Variants in MIGA2 observed in about 807,000 individuals in gnomAD.
The protein encoded by MIGA2 is mitoguardin 2.
A neutral mutation model predicts 69.9 loss-of-function variants in MIGA2; 36 were observed. That is an observed-to-expected ratio of 0.52 (90% confidence interval 0.39 to 0.68). MIGA2 has a LOEUF of 0.68. Ranked by LOEUF, MIGA2 falls within the 30% of genes least tolerant of loss-of-function variation. The probability of loss-of-function intolerance (pLI) is 0.00; values close to 1 mark genes in which losing one functional copy is unlikely to be tolerated. For synonymous variants in MIGA2, 333 were observed against 349.2 expected (o/e 0.95, Z 0.52); for missense variants, 660 against 787.7 (o/e 0.84, Z 1.94).
In MIGA2 at chr9:129,059,193, T is replaced by C. The variant is rs749576676; in HGVS notation, c.715T>C (p.Ser239Pro). ...QRKEFAEKLE[S>P]LLHRAYHLQE... is the part of the protein sequence containing the mutation. ...GAAGGAGTTTGCAGAGAAGCTGGAG[T>C]CCCTGCTGCACCGTGCCTACCACCT... Residue 239 changes from serine (S) to proline (P), a missense_variant, in exon 7 of 16, where the codon TCC (serine) becomes CCC (proline). Around this residue, in one of 3 missense-constraint regions of MIGA2, gnomAD observed 386 missense variants for 402.0 expected, o/e 0.96. Transcript: ENST00000684074. This position sits in a 1 kb window ranked among gnomAD's most constrained non-coding sequence, Gnocchi z 5.6. 6.2e-7 allele frequency: 1 copy of C among 1,612,444 alleles called. No individual in the cohort carries two copies.
At chr9:129,053,693 A>T (rs560104931) in intron 6 of MIGA2, among the ~76,000 whole-genome samples, 167 of 152,264 alleles carry the variant, frequency 1.1e-3, no homozygotes, top group African/African-American at 3.9e-3. Flanking sequence ...AAACAGTTTT[A>T]TTGAAATATA....
In MIGA2 at chr9:129,060,665, G is replaced by A; in HGVS notation, c.894+15G>A. On this transcript the variant is annotated intron_variant, in intron 8 of 15. Coordinates refer to ENST00000684074, the MANE Select transcript of MIGA2 (RefSeq NM_001329990.2). The surrounding 1 kb of genome is among the most constrained non-coding windows in gnomAD (Gnocchi z 4.8). Reference sequence around the variant, plus strand: ...CCGCCACCGAGGTGACTCGGGGTGGGGACCAAGCCTGGGGTGGGGTGAAGG... The same window carrying A: ...CCGCCACCGAGGTGACTCGGGGTGGAGACCAAGCCTGGGGTGGGGTGAAGG... The A allele has an allele frequency of 6.4e-7, 1 of 1,565,824 alleles. No homozygotes were observed. Among genetic ancestry groups the A allele is most frequent in the East Asian group, 2.4e-5 (1 of 42,382 alleles).
intron 2 of MIGA2, 44 bp from the exon 3 acceptor site, chr9:129,042,260 T>C: frequency 6.2e-7 from 1 of 1,600,026 alleles, no homozygotes; most frequent in Non-Finnish European, 8.5e-7. Context: ...GCCTTGGACC[T>C]TCCCCAGGGA....
rs1012320144 is a variant in MIGA2, at chr9:129,071,536, G to T, written c.*1083G>T. 6.6e-6 allele frequency: 1 copy of T among 152,210 alleles called. No individual in the cohort carries two copies. The highest frequency in any genetic ancestry group is 1.5e-5 in the Non-Finnish European group (1 of 68,076). 9.4% of individuals were successfully genotyped at this position (152,210 alleles called of 1,614,324 possible). A position where few individuals can be genotyped will look rare whatever the true frequency, so the allele number is the denominator to read the frequency against. On this transcript the variant is annotated 3_prime_UTR_variant, in exon 16 of 16. Coordinates refer to ENST00000684074, the MANE Select transcript of MIGA2 (RefSeq NM_001329990.2). ...TCTGCTGTGGCTCTGCCCTTTCCAGGTTGAGAGGCCTGCAGGAGAAACACA... is the reference window on the plus strand; with the variant it reads ...TCTGCTGTGGCTCTGCCCTTTCCAGTTTGAGAGGCCTGCAGGAGAAACACA...
At chr9:129,044,790 TGTGTTGGC>T (rs1845122174) in intron 3 of MIGA2, among the ~76,000 whole-genome samples, 1 of 149,282 alleles carries the variant, frequency 6.7e-6, no homozygotes, top group Admixed American at 6.7e-5. Context: ...CAGGCTGGTC[TGTGTTGGC>T]CAGGCTGGTC....
At chr9:129,040,826 T>G in intron 2 of MIGA2, 136 bp downstream of exon 2, 2 of 686,050 alleles carry the variant, frequency 2.9e-6, no homozygotes, top group East Asian at 2.9e-5. Context: ...TGGACTGGGT[T>G]TGTTGTCTGA....
intron 5 of MIGA2, 22 bp downstream of exon 5, chr9:129,049,520 G>T (rs1203295150): frequency 6.2e-7 from 1 of 1,606,930 alleles, no homozygotes; most frequent in Non-Finnish European, 8.5e-7. Flanking sequence ...AGGTGCCTCA[G>T]CTTCGAGGGC....
Position 129,040,695 on chromosome 9 carries a change from G to A in MIGA2, c.96+5G>A. ...CTGTACACGACGTTTGGGCAGGTAA[G>A]GATCAGGGTGGGTTGTACCTCTGGT... On this transcript the variant is annotated splice_donor_5th_base_variant and intron_variant, in intron 2 of 15. Transcript: ENST00000684074. 1 of 1,612,442 alleles carries A rather than the reference G, an allele frequency of 6.2e-7. No individual in the cohort carries two copies. The highest frequency in any genetic ancestry group is 1.3e-5 in the African/African-American group (1 of 75,042).
chr9:129,057,005 G>T (rs1845831805), intron 6 of MIGA2, among the ~76,000 whole-genome samples: 1 of 151,896 alleles, frequency 6.6e-6, no homozygotes, highest in African/African-American at 2.4e-5. Flanking sequence ...CTGCATTCCA[G>T]CCTGGGCAAC....
In MIGA2 at chr9:129,069,712, A is replaced by G. The variant is rs1261777237; in HGVS notation, c.1459-137A>G. On this transcript the variant is annotated intron_variant, in intron 14 of 15. Transcript: ENST00000684074. The surrounding 1 kb of genome is among the most constrained non-coding windows in gnomAD (Gnocchi z 4.9). ...AAAATGGGCTTCGAAAGCTTGAGTC[A>G]CTGCCCAGGGTCATCTAGCAGGAAA... The G allele has an allele frequency of 4.1e-6, 3 of 725,296 alleles. No individual in the cohort carries two copies. In the Admixed American group the frequency reaches 6.0e-5, roughly 15 times the overall value. 44.9% of individuals were successfully genotyped at this position (725,296 alleles called of 1,614,324 possible).
chr9:129,058,643 A>C (rs186999799), intron 6 of MIGA2, among the ~76,000 whole-genome samples: 18 of 151,552 alleles, frequency 1.2e-4, no homozygotes, highest in African/African-American at 4.4e-4. Flanking sequence ...GGGACTATAG[A>C]CACCCGCCAC....
In MIGA2 at chr9:129,040,583, A is replaced by G. The variant is rs1433811208; in HGVS notation, c.-12A>G. ...TGGCCCTGAGGACTTTGCCTGGGGC[A>G]TTGGCCCTGCCATGGCGTTCCGGAG... On this transcript the variant is annotated 5_prime_UTR_variant, in exon 2 of 16. Coordinates refer to ENST00000684074, the MANE Select transcript of MIGA2 (RefSeq NM_001329990.2). 6 of 1,608,356 alleles carry G rather than the reference A, an allele frequency of 3.7e-6. No individual in the cohort carries two copies. Among genetic ancestry groups the G allele is most frequent in the Non-Finnish European group, 5.1e-6 (6 of 1,175,980 alleles).
At position 129,040,464 on chromosome 9, in the gene MIGA2, G is replaced by A; in HGVS notation, c.-131G>A. 7.1e-7 allele frequency: 1 copy of A among 1,414,604 alleles called. No individual in the cohort carries two copies. Among genetic ancestry groups the A allele is most frequent in the Non-Finnish European group, 9.3e-7 (1 of 1,073,212 alleles). The allele number at this position is 1,414,604 out of a possible 1,614,324, so 87.6% of individuals were successfully genotyped here. A position where few individuals can be genotyped will look rare whatever the true frequency, so the allele number is the denominator to read the frequency against. ...ATCTGTCTCTTAGCTCTGTGGAGGG[G>A]CCCTCTGGTATGTGTGTCCCTGTCC... On this transcript the variant is annotated 5_prime_UTR_variant, in exon 2 of 16. Coordinates refer to ENST00000684074, the MANE Select transcript of MIGA2 (RefSeq NM_001329990.2).
Position 129,063,535 on chromosome 9 carries a change from C to T in MIGA2, c.1084-10C>T, listed in dbSNP as rs1374956082. On this transcript the variant is annotated splice_polypyrimidine_tract_variant and intron_variant, in intron 10 of 15. Transcript: ENST00000684074. Reference sequence around the variant, plus strand: ...CGGCAGCTCACTCCCCTCCCTTCCTCCTTCCCTAGGGGCTTCTGGAAGACA... The same window carrying T: ...CGGCAGCTCACTCCCCTCCCTTCCTTCTTCCCTAGGGGCTTCTGGAAGACA... 5 of 1,613,766 alleles carry T rather than the reference C, an allele frequency of 3.1e-6. No individual in the cohort carries two copies. The South Asian group carries it at 5.5e-5, about 18-fold the overall frequency.
intron 6 of MIGA2, among the ~76,000 whole-genome samples, chr9:129,057,707 A>G (rs968363356): frequency 2.0e-5 from 3 of 150,672 alleles, no homozygotes; most frequent in African/African-American, 4.9e-5. Flanking sequence ...CTGGGCTCAC[A>G]TGATCCTCCT....
chr9:129,038,285 C>G (rs1844705648), intron 1 of MIGA2, among the ~76,000 whole-genome samples: 1 of 152,226 alleles, frequency 6.6e-6, no homozygotes, highest in South Asian at 2.1e-4. Context: ...TCAGTCCTTC[C>G]CACTCACTGG....
At chr9:129,046,886 C>T (rs1316698919) in intron 3 of MIGA2, among the ~76,000 whole-genome samples, 2 of 152,086 alleles carry the variant, frequency 1.3e-5, no homozygotes, top group East Asian at 3.9e-4. Context: ...TCAAGCGATT[C>T]TCCTGCCTCA....
Position 129,060,566 on chromosome 9 carries a change from GC to G in MIGA2, c.814del (p.Leu272Ter). 6.2e-7 allele frequency: 1 copy of G among 1,600,690 alleles called. No homozygotes were observed. Among genetic ancestry groups the G allele is most frequent in the Non-Finnish European group, 8.5e-7 (1 of 1,173,352 alleles). ...LLDLERTLML[P>X]LTEGSLRLRA... ...TCTTCCCAGAGAGGACCCTCATGCT[GC>G]CCCTGACCGAGGGCTCGCTGCGGCT... On this transcript the variant is annotated frameshift_variant, in exon 8 of 16. Transcript: ENST00000684074. LOFTEE classifies it high-confidence loss of function. The surrounding 1 kb of genome is among the most constrained non-coding windows in gnomAD (Gnocchi z 4.8).
intron 15 of MIGA2, 68 bp downstream of exon 15, chr9:129,070,033 A>C: frequency 2.9e-6 from 4 of 1,379,922 alleles, no homozygotes; most frequent in Non-Finnish European, 4.0e-6. Context: ...GGGAGGTGCC[A>C]GGAATGGGAT....
Sources: allele counts gnomAD v4.1 joint callset (sites outside exome capture counted in the v4.1 genomes callset), GRCh38; gene constraint gnomAD v4.1.1; regional missense constraint gnomAD v4.1.1; non-coding constraint Gnocchi (gnomAD v3.1); transcripts MANE v1.5; gene names NCBI Gene and HGNC (gene_info 2026-07-23, HGNC 2026-07-21).